The following LIN7A variants were observed in gnomAD, a reference collection of about 807,000 sequenced individuals.
The protein encoded by LIN7A is lin-7 cell polarity scaffold A.
LIN7A carries 25 observed loss-of-function variants against 29.8 expected under a neutral mutation model. The observed-to-expected ratio is 0.84, with a 90% CI of 0.61 to 1.17. The LOEUF (loss-of-function observed/expected upper bound fraction) is 1.17. Among genes scored for constraint, LIN7A ranks in the 50% most tolerant of loss-of-function variants. The pLI, the probability that LIN7A is intolerant of heterozygous loss-of-function variation, is 0.00. For synonymous variants in LIN7A, 118 were observed against 107.5 expected (o/e 1.10, Z -0.60); for missense variants, 239 against 287.0 (o/e 0.83, Z 1.21).
At chr12:80,850,875 C>T (rs1186963475) in intron 2 of LIN7A, among the ~76,000 whole-genome samples, 2 of 152,078 alleles carry the variant, frequency 1.3e-5, no homozygotes, top group African/African-American at 4.8e-5. Flanking sequence ...GAGAAATCAC[C>T]ATGGGCCAAA....
In LIN7A at chr12:80,894,630, T is replaced by A. The variant is rs185458630; in HGVS notation, c.83-5261A>T. ...CTACAGATAAGGGGATATTAAAAAT[T>A]GAGATTAAAAAAAGAGAGGGAGAGG... is the stretch of plus-strand genomic sequence containing the variant. On this transcript the variant is annotated intron_variant, in intron 1 of 5. Coordinates refer to ENST00000552864, the MANE Select transcript of LIN7A (RefSeq NM_004664.4). 1.9e-3 allele frequency among the ~76,000 whole-genome samples: 288 copies of A among 152,280 alleles called. 2 individuals carry two copies. The highest frequency in any genetic ancestry group is 2.8e-3 in the Non-Finnish European group (188 of 68,014).
intron 4 of LIN7A, among the ~76,000 whole-genome samples, chr12:80,818,271 CATTTT>C (rs1871631297): frequency 1.3e-5 from 2 of 152,096 alleles, no homozygotes; most frequent in Admixed American, 1.3e-4. Context: ...CTTTCACTAT[CATTTT>C]ATTTTAAGAG....
At chr12:80,880,782 CACACAG>C in intron 2 of LIN7A, among the ~76,000 whole-genome samples, 1 of 151,600 alleles carries the variant, frequency 6.6e-6, no homozygotes, top group Admixed American at 6.6e-5. Flanking sequence ...CACATACACA[CACACAG>C]ACACACACAC....
At position 80,795,764 on chromosome 12, in the gene LIN7A, A is replaced by C. The variant is rs1401582093; in HGVS notation, c.*1963T>G. The C allele has an allele frequency of 6.6e-6, 1 of 152,162 alleles. No individual in the cohort carries two copies. Among genetic ancestry groups the C allele is most frequent in the African/African-American group, 2.4e-5 (1 of 41,460 alleles). 9.4% of individuals were successfully genotyped at this position (152,162 alleles called of 1,614,324 possible). Reference sequence around the variant, plus strand: ...TGATAACTAAAATATATGTTTTATTAAATTTTTCTTATAAAAATGTGAACT... The same window carrying C: ...TGATAACTAAAATATATGTTTTATTCAATTTTTCTTATAAAAATGTGAACT... On this transcript the variant is annotated 3_prime_UTR_variant, in exon 6 of 6. Coordinates refer to ENST00000552864, the MANE Select transcript of LIN7A (RefSeq NM_004664.4).
At chr12:80,883,363 T>A (rs967062177) in intron 2 of LIN7A, among the ~76,000 whole-genome samples, 1 of 152,244 alleles carries the variant, frequency 6.6e-6, no homozygotes, top group Non-Finnish European at 1.5e-5. Context: ...TTAATAGGCA[T>A]TAATTTGAAA....
At chr12:80,931,554 C>T (rs1192205885) in intron 1 of LIN7A, among the ~76,000 whole-genome samples, 1 of 151,468 alleles carries the variant, frequency 6.6e-6, no homozygotes, top group African/African-American at 2.4e-5. Context: ...CAGAGAATCG[C>T]TTAAACCCAA....
At chr12:80,832,806 G>A (rs1010697742) in intron 4 of LIN7A, among the ~76,000 whole-genome samples, 3 of 152,102 alleles carry the variant, frequency 2.0e-5, no homozygotes, top group Non-Finnish European at 4.4e-5. Context: ...GTTTGGAACT[G>A]TTTTCATGAA....
At chr12:80,892,581 C>G (rs1443841017) in intron 1 of LIN7A, among the ~76,000 whole-genome samples, 1 of 152,096 alleles carries the variant, frequency 6.6e-6, no homozygotes, top group Non-Finnish European at 1.5e-5. Context: ...TTGAAATTAT[C>G]TAGGGTGCAT....
At chr12:80,830,318 T>C (rs1872285256) in intron 4 of LIN7A, among the ~76,000 whole-genome samples, 1 of 152,200 alleles carries the variant, frequency 6.6e-6, no homozygotes, top group Non-Finnish European at 1.5e-5. Flanking sequence ...TCTTATATTA[T>C]CATCTTTTAG....
At chr12:80,922,763 GA>G (rs1877379937) in intron 1 of LIN7A, among the ~76,000 whole-genome samples, 1 of 152,090 alleles carries the variant, frequency 6.6e-6, no homozygotes, top group Admixed American at 6.6e-5. Context: ...AGAAATGAAT[GA>G]TTCATCTATT....
At chr12:80,879,252 C>A (rs1307830137) in intron 2 of LIN7A, among the ~76,000 whole-genome samples, 1 of 146,602 alleles carries the variant, frequency 6.8e-6, no homozygotes, top group African/African-American at 2.5e-5. Context: ...ATTAATTAGT[C>A]TTTATTTGGG....
chr12:80,891,240 C>T (rs900294827), intron 1 of LIN7A, among the ~76,000 whole-genome samples: 2 of 152,188 alleles, frequency 1.3e-5, no homozygotes, highest in African/African-American at 4.8e-5. Context: ...AGTCCATCTG[C>T]CACATTGCTT....
chr12:80,808,958 C>A (rs1304903282), intron 5 of LIN7A, among the ~76,000 whole-genome samples: 1 of 149,796 alleles, frequency 6.7e-6, no homozygotes, highest in Non-Finnish European at 1.5e-5. Context: ...CCCCCCTTTT[C>A]TGTGTAGCTT....
intron 2 of LIN7A, among the ~76,000 whole-genome samples, chr12:80,865,664 A>C (rs1874099809): frequency 6.6e-6 from 1 of 152,232 alleles, no homozygotes; most frequent in Non-Finnish European, 1.5e-5. Flanking sequence ...TCCAGTGCAT[A>C]GTGTTTTATG....
chr12:80,826,928 T>C (rs1344968313), intron 4 of LIN7A, among the ~76,000 whole-genome samples: 1 of 152,202 alleles, frequency 6.6e-6, no homozygotes, highest in Non-Finnish European at 1.5e-5. Context: ...GCTACATTGA[T>C]GGTTTATCCC....
chr12:80,925,985 G>A (rs562216906), intron 1 of LIN7A, among the ~76,000 whole-genome samples: 4 of 152,278 alleles, frequency 2.6e-5, no homozygotes, highest in African/African-American at 4.8e-5. Context: ...CACCCTGCAA[G>A]ATGATCATCA....
chr12:80,919,233 T>C (rs1877177312), intron 1 of LIN7A, among the ~76,000 whole-genome samples: 1 of 152,158 alleles, frequency 6.6e-6, no homozygotes. Context: ...GGGAACACAG[T>C]TTCTTACTCT....
chr12:80,931,495 T>G (rs1877902016), intron 1 of LIN7A, among the ~76,000 whole-genome samples: 1 of 151,664 alleles, frequency 6.6e-6, no homozygotes, highest in Non-Finnish European at 1.5e-5. Flanking sequence ...TACAAAAACA[T>G]CAGCTGGGCC....
chr12:80,856,209 A>T (rs948646884), intron 2 of LIN7A, among the ~76,000 whole-genome samples: 1 of 152,186 alleles, frequency 6.6e-6, no homozygotes. Flanking sequence ...TCCAAGAAGG[A>T]TAGAATTTCC....
Sources: allele counts gnomAD v4.1 joint callset (sites outside exome capture counted in the v4.1 genomes callset), GRCh38; gene constraint gnomAD v4.1.1; transcripts MANE v1.5; gene names NCBI Gene and HGNC (gene_info 2026-07-23, HGNC 2026-07-21).